Variants in HCRTR2 observed in about 807,000 individuals in gnomAD.
HCRTR2 encodes the protein hypocretin receptor 2.
In HCRTR2, 22 loss-of-function variants were observed where a neutral mutation model predicts 49.0. The observed-to-expected ratio is 0.45, with a 90% CI of 0.32 to 0.64. HCRTR2 has a LOEUF of 0.64. Among genes scored for constraint, HCRTR2 ranks in the 30% least tolerant of loss-of-function variants. The pLI is 0.04. For missense variants in HCRTR2, 491 were observed against 559.4 expected, an observed-to-expected ratio of 0.88 and a Z score of 1.23; for synonymous variants, 236 against 205.3, an observed-to-expected ratio of 1.15 and a Z score of -1.28.
intron 1 of HCRTR2, among the ~76,000 whole-genome samples, chr6:55,228,070 G>T (rs1766044016): frequency 6.6e-6 from 1 of 152,100 alleles, no homozygotes; most frequent in Admixed American, 6.5e-5. Context: ...TTATACAAAT[G>T]CAGAAGTCAT....
At chr6:55,165,789 A>ATATATATG (rs1764869655) in intron 1 of HCRTR2, among the ~76,000 whole-genome samples, 2 of 140,842 alleles carry the variant, frequency 1.4e-5, no homozygotes, top group Admixed American at 1.4e-4. Context: ...ATATATATAT[A>ATATATATG]CTCTTACACC....
At chr6:55,254,211 T>C (rs1048708135) in intron 2 of HCRTR2, among the ~76,000 whole-genome samples, 1 of 149,622 alleles carries the variant, frequency 6.7e-6, no homozygotes, top group Non-Finnish European at 1.5e-5. Flanking sequence ...TTATACATGC[T>C]GAAAGAAAAA....
upstream of HCRTR2, among the ~76,000 whole-genome samples, chr6:55,172,210 T>C (rs1764960919): frequency 6.6e-6 from 1 of 152,242 alleles, no homozygotes; most frequent in African/African-American, 2.4e-5. Context: ...AATTAATATA[T>C]GCACATATCA....
At chr6:55,176,376 T>C (rs1281407160) in intron 1 of HCRTR2, among the ~76,000 whole-genome samples, 1 of 152,232 alleles carries the variant, frequency 6.6e-6, no homozygotes, top group Admixed American at 6.5e-5. Context: ...ATTAGGATTC[T>C]TGTTATAAGC....
Position 55,115,208 on chromosome 6 carries a change from T to G in HCRTR2, c.-378+8663T>G, listed in dbSNP as rs569949570. On this transcript the variant is annotated intron_variant, in intron 1 of 7. Coordinates refer to the HCRTR2 transcript ENST00000615358. ...TTTATCCATGTATATTCTATTGATTTTATTAACTTATGAGTTCTCCAACCT... is the reference window on the plus strand; with the variant it reads ...TTTATCCATGTATATTCTATTGATTGTATTAACTTATGAGTTCTCCAACCT... 5.3e-5 allele frequency among the ~76,000 whole-genome samples: 8 copies of G among 151,896 alleles called. No homozygotes were observed. The South Asian group carries it at 1.7e-3, about 32-fold the overall frequency.
At chr6:55,250,301 T>A (rs899587380) in intron 2 of HCRTR2, among the ~76,000 whole-genome samples, 10 of 151,928 alleles carry the variant, frequency 6.6e-5, no homozygotes, top group Admixed American at 1.3e-4. Context: ...AGAGGAAAAG[T>A]TAGTAAGAAA....
At chr6:55,146,092 A>G (rs1764577367) in intron 1 of HCRTR2, among the ~76,000 whole-genome samples, 1 of 152,192 alleles carries the variant, frequency 6.6e-6, no homozygotes, top group Non-Finnish European at 1.5e-5. Flanking sequence ...TTAGCTGCAC[A>G]GGCCATGTAA....
chr6:55,134,269 A>C (rs901041074), intron 1 of HCRTR2, among the ~76,000 whole-genome samples: 3 of 151,828 alleles, frequency 2.0e-5, no homozygotes, highest in Non-Finnish European at 4.4e-5. Flanking sequence ...TTCTATCAAA[A>C]TCTTTTCAAG....
chr6:55,278,289 G>A (rs1767118531), intron 5 of HCRTR2, among the ~76,000 whole-genome samples: 1 of 152,180 alleles, frequency 6.6e-6, no homozygotes, highest in African/African-American at 2.4e-5. Context: ...TAAACTTCAT[G>A]GCCAGCCAAC....
chr6:55,126,888 G>A (rs943414673), intron 1 of HCRTR2, among the ~76,000 whole-genome samples: 2 of 152,130 alleles, frequency 1.3e-5, no homozygotes, highest in East Asian at 3.9e-4. Flanking sequence ...GCCTACTCAA[G>A]CCTCAGCAAT....
intron 1 of HCRTR2, among the ~76,000 whole-genome samples, chr6:55,128,235 T>G (rs1764308319): frequency 6.6e-6 from 1 of 152,102 alleles, no homozygotes; most frequent in Non-Finnish European, 1.5e-5. Flanking sequence ...TAGTTGTAGG[T>G]GTATGGTCTT....
chr6:55,164,766 A>C (rs1764853189), intron 1 of HCRTR2, among the ~76,000 whole-genome samples: 1 of 145,876 alleles, frequency 6.9e-6, no homozygotes. Flanking sequence ...CAGAACTTAA[A>C]GTATTAAAAA....
At chr6:55,266,211 T>G (rs747976399) in intron 4 of HCRTR2, among the ~76,000 whole-genome samples, 7 of 152,202 alleles carry the variant, frequency 4.6e-5, no homozygotes, top group Admixed American at 1.3e-4. Flanking sequence ...GTTGAATTGG[T>G]ATATGTGACT....
chr6:55,269,432 T>A (rs539055500), intron 4 of HCRTR2, among the ~76,000 whole-genome samples: 21 of 152,244 alleles, frequency 1.4e-4, no homozygotes, highest in Non-Finnish European at 2.8e-4. Flanking sequence ...TACTTGTAGG[T>A]TATGTGATAT....
At chr6:55,152,058 A>G (rs1203628022) in intron 1 of HCRTR2, among the ~76,000 whole-genome samples, 1 of 152,080 alleles carries the variant, frequency 6.6e-6, no homozygotes, top group East Asian at 1.9e-4. Context: ...GTTCCATTTT[A>G]TATAGAGCAC....
rs772633459 is a variant in HCRTR2, at chr6:55,277,369, TCTC to T, written c.763-8_763-6del. The stretch of plus-strand genomic sequence containing the variant: ...CAAATTGCAATAAGGGTCTGTCTCT[TCTC>T]CTTTCAGATCCCTGGAACATCATCT... On this transcript the variant is annotated splice_region_variant and splice_polypyrimidine_tract_variant and intron_variant, in intron 4 of 6. Transcript: ENST00000370862. The T allele has an allele frequency of 1.6e-5, 25 of 1,606,782 alleles. No individual in the cohort carries two copies. The highest frequency in any genetic ancestry group is 2.2e-5 in the South Asian group (2 of 90,910).
chr6:55,267,659 A>G (rs1213871022), intron 4 of HCRTR2, among the ~76,000 whole-genome samples: 2 of 152,078 alleles, frequency 1.3e-5, no homozygotes, highest in African/African-American at 4.8e-5. Context: ...ATGGACTGTA[A>G]TAGATATTTG....
At chr6:55,178,100 G>T (rs1016798337) in intron 1 of HCRTR2, among the ~76,000 whole-genome samples, 2 of 152,074 alleles carry the variant, frequency 1.3e-5, no homozygotes, top group Admixed American at 6.5e-5. Context: ...TTAAATTAGT[G>T]TGTATATCAG....
intron 1 of HCRTR2, among the ~76,000 whole-genome samples, chr6:55,247,224 A>G (rs1766462799): frequency 6.6e-6 from 1 of 152,054 alleles, no homozygotes; most frequent in Non-Finnish European, 1.5e-5. Context: ...AATAAAGACT[A>G]CAGTTACCCT....
Sources: allele counts gnomAD v4.1 joint callset (sites outside exome capture counted in the v4.1 genomes callset), GRCh38; gene constraint gnomAD v4.1.1; transcripts MANE v1.5; gene names NCBI Gene and HGNC (gene_info 2026-07-23, HGNC 2026-07-21).